The following C1QTNF3 variants were observed in gnomAD, a reference collection of about 807,000 sequenced individuals.
C1QTNF3 encodes the protein complement C1q tumor necrosis factor-related protein 3.
C1QTNF3 carries 26 observed loss-of-function variants against 32.6 expected under a neutral mutation model. The observed-to-expected ratio is 0.80, with a 90% CI of 0.58 to 1.11. The LOEUF (loss-of-function observed/expected upper bound fraction) is 1.11. C1QTNF3 is among the 50% of genes least tolerant of loss of function. The probability of loss-of-function intolerance (pLI) is 0.00; values close to 1 mark genes in which losing one functional copy is unlikely to be tolerated. For synonymous variants in C1QTNF3, 155 were observed against 146.0 expected (o/e 1.06, Z -0.44); for missense variants, 362 against 398.2 (o/e 0.91, Z 0.77).
the C1QTNF3 span, among the ~76,000 whole-genome samples, chr5:34,091,354 G>A: frequency 1.3e-5 from 2 of 152,292 alleles, no homozygotes; most frequent in East Asian, 3.8e-4. Context: ...ATGTGGGAAT[G>A]TGCTTTCCTT....
chr5:34,130,983 T>C, the C1QTNF3 span, among the ~76,000 whole-genome samples: 4 of 152,212 alleles, frequency 2.6e-5, no homozygotes. Flanking sequence ...TTTATAACTT[T>C]TAAATATGCA....
chr5:34,221,157 C>G, the C1QTNF3 span, among the ~76,000 whole-genome samples: 12,375 of 151,992 alleles, frequency 0.081, 1,252 homozygotes, highest in African/African-American at 0.24. Flanking sequence ...TTAAATGATT[C>G]CTTTAAGATT....
the C1QTNF3 span, among the ~76,000 whole-genome samples, chr5:34,237,480 G>A: frequency 9.2e-5 from 14 of 152,126 alleles, no homozygotes; most frequent in African/African-American, 3.4e-4. Flanking sequence ...GAGATAGCTG[G>A]GATCACACTG....
At chr5:34,063,520 G>T in the C1QTNF3 span, among the ~76,000 whole-genome samples, 1 of 152,054 alleles carries the variant, frequency 6.6e-6, no homozygotes, top group Non-Finnish European at 1.5e-5. Flanking sequence ...TGTACTGGTG[G>T]GGGGGCTGGG....
the C1QTNF3 span, among the ~76,000 whole-genome samples, chr5:34,079,373 T>C: frequency 6.6e-6 from 1 of 151,632 alleles, no homozygotes; most frequent in Non-Finnish European, 1.5e-5. Flanking sequence ...GGTCATTCTA[T>C]TTGCAATTTT....
the C1QTNF3 span, among the ~76,000 whole-genome samples, chr5:34,141,090 T>A: frequency 1.3e-5 from 2 of 152,070 alleles, no homozygotes; most frequent in Non-Finnish European, 2.9e-5. Context: ...AGGATAGAAG[T>A]CTAAGATGAA....
At chr5:34,063,561 G>A in the C1QTNF3 span, among the ~76,000 whole-genome samples, 1 of 152,150 alleles carries the variant, frequency 6.6e-6, no homozygotes, top group East Asian at 1.9e-4. Flanking sequence ...GGGGAGGAGA[G>A]CATCTTACAC....
chr5:34,047,430 G>A (rs1204758361), upstream of C1QTNF3, among the ~76,000 whole-genome samples: 1 of 152,180 alleles, frequency 6.6e-6, no homozygotes, highest in Admixed American at 6.5e-5. Flanking sequence ...CCCCCATGGT[G>A]CTTCACTGTG....
the C1QTNF3 span, among the ~76,000 whole-genome samples, chr5:34,065,899 G>A: frequency 6.6e-6 from 1 of 152,260 alleles, no homozygotes; most frequent in South Asian, 2.1e-4. Flanking sequence ...TTGTTGTGCT[G>A]TTCACAATGG....
At chr5:34,122,562 G>A in the C1QTNF3 span, among the ~76,000 whole-genome samples, 1 of 152,174 alleles carries the variant, frequency 6.6e-6, no homozygotes, top group Admixed American at 6.6e-5. Flanking sequence ...CCTCTTGCCT[G>A]CTGATAGTAA....
the C1QTNF3 span, among the ~76,000 whole-genome samples, chr5:34,110,495 A>C: frequency 6.6e-6 from 1 of 151,374 alleles, no homozygotes; most frequent in South Asian, 2.1e-4. Flanking sequence ...ATATTTGGGT[A>C]CAGTCCTCTC....
chr5:34,080,244 A>T, the C1QTNF3 span, among the ~76,000 whole-genome samples: 2 of 151,784 alleles, frequency 1.3e-5, no homozygotes, highest in African/African-American at 4.9e-5. Flanking sequence ...ACAATTTAGC[A>T]TGCACAATTA....
At chr5:34,033,669 C>T (rs939565303) in intron 2 of C1QTNF3, among the ~76,000 whole-genome samples, 1 of 152,096 alleles carries the variant, frequency 6.6e-6, no homozygotes, top group African/African-American at 2.4e-5. Flanking sequence ...TCCTTTGAAG[C>T]GAGGCTTGGA....
intron 1 of C1QTNF3, among the ~76,000 whole-genome samples, chr5:34,037,264 G>A (rs1754764930): frequency 1.3e-5 from 2 of 152,086 alleles, no homozygotes; most frequent in Admixed American, 1.3e-4. Context: ...TTTGAAAACA[G>A]CATGTTGTTG....
At chr5:34,093,873 G>A in the C1QTNF3 span, among the ~76,000 whole-genome samples, 12 of 152,280 alleles carry the variant, frequency 7.9e-5, no homozygotes, top group Admixed American at 5.9e-4. Context: ...CCTTCGGGTA[G>A]GGATACCACA....
chr5:34,076,269 A>C, the C1QTNF3 span, among the ~76,000 whole-genome samples: 16 of 151,626 alleles, frequency 1.1e-4, no homozygotes, highest in Non-Finnish European at 2.2e-4. Flanking sequence ...TGAAATGGTA[A>C]GTTTTATTTT....
chr5:34,155,099 G>T, the C1QTNF3 span, among the ~76,000 whole-genome samples: 6 of 152,044 alleles, frequency 3.9e-5, no homozygotes, highest in South Asian at 1.0e-3. Flanking sequence ...GTACATTCAG[G>T]GGATTTCTTT....
chr5:34,104,983 A>G, the C1QTNF3 span, among the ~76,000 whole-genome samples: 2 of 148,634 alleles, frequency 1.3e-5, no homozygotes, highest in Non-Finnish European at 3.0e-5. Context: ...TTATTTCAGC[A>G]AGAGTTTTTT....
chr5:34,219,163 G>A, the C1QTNF3 span, among the ~76,000 whole-genome samples: 4 of 152,026 alleles, frequency 2.6e-5, no homozygotes, highest in Non-Finnish European at 5.9e-5. Flanking sequence ...TTTGCATAAT[G>A]CTGATAGTCC....
Sources: allele counts gnomAD v4.1 joint callset (sites outside exome capture counted in the v4.1 genomes callset), GRCh38; gene constraint gnomAD v4.1.1; transcripts MANE v1.5; gene names NCBI Gene and HGNC (gene_info 2026-07-23, HGNC 2026-07-21).